CD33: variants seen among roughly 807,000 people sequenced by gnomAD.
The protein encoded by CD33 is CD33 molecule, also known as myeloid cell surface antigen CD33.
A neutral mutation model predicts 31.4 loss-of-function variants in CD33; 25 were observed. The ratio of observed to expected loss-of-function variants is 0.80; its 90% CI spans 0.58 to 1.11. The LOEUF (loss-of-function observed/expected upper bound fraction) is 1.11, where lower values mean the gene tolerates loss of function less well. CD33 is among the 50% of genes most tolerant of loss of function. CD33 has a pLI of 0.00. For missense variants in CD33, 407 were observed against 448.1 expected, an observed-to-expected ratio of 0.91 and a Z score of 0.83; for synonymous variants, 176 against 180.6, an observed-to-expected ratio of 0.97 and a Z score of 0.20.
upstream of CD33, among the ~76,000 whole-genome samples, chr19:51,221,431 T>C (rs1173524764): frequency 3.9e-5 from 6 of 152,216 alleles, no homozygotes; most frequent in Non-Finnish European, 8.8e-5. Flanking sequence ...TAGCATTACA[T>C]ACCTGAGAAC....
At chr19:51,214,620 TTA>T in the CD33 span, among the ~76,000 whole-genome samples, 1 of 148,156 alleles carries the variant, frequency 6.7e-6, no homozygotes, top group African/African-American at 2.7e-5. Context: ...TATTGATTAT[TTA>T]TATCTTTTGG....
chr19:51,228,069 G>A (rs1374654169), intron 4 of CD33, among the ~76,000 whole-genome samples: 4 of 149,024 alleles, frequency 2.7e-5, no homozygotes, highest in Admixed American at 2.6e-4. Context: ...TGTATTATTG[G>A]TGTATGTATC....
chr19:51,237,668 AC>A (rs1447968573), intron 6 of CD33: 1 of 152,296 alleles, frequency 6.6e-6, no homozygotes. Flanking sequence ...TGTGGACTGA[AC>A]AATGGTAGGT....
chr19:51,235,775 T>G, intron 6 of CD33, 99 bp downstream of exon 6: 1 of 994,190 alleles, frequency 1.0e-6, no homozygotes, highest in Non-Finnish European at 1.6e-6. Context: ...AGAACTGAGC[T>G]TATTGTCTTT....
At chr19:51,222,568 G>A (rs273640), upstream of CD33, among the ~76,000 whole-genome samples, 4 of 151,962 alleles carry the variant, frequency 2.6e-5, no homozygotes, top group African/African-American at 7.3e-5. Flanking sequence ...CACAAACAAC[G>A]TGGTTCAGTT....
Position 51,235,691 on chromosome 19 carries a change from A to T in CD33, c.924+15A>T. The T allele has an allele frequency of 1.2e-6, 2 of 1,603,836 alleles. No individual in the cohort carries two copies. The highest frequency in any genetic ancestry group is 1.7e-6 in the Non-Finnish European group (2 of 1,173,776). On this transcript the variant is annotated intron_variant, in intron 6 of 6. Transcript: ENST00000262262. The stretch of plus-strand genomic sequence containing the variant: ...CAGCCTCCCCGGTGAGTGATGGGGC[A>T]TCCTGGCATCCAGTCTGTCCTGCAG...
At chr19:51,236,567 C>T (rs1447385521) in intron 6 of CD33, 2 of 152,352 alleles carry the variant, frequency 1.3e-5, no homozygotes, top group African/African-American at 2.4e-5. Context: ...ATCTACTATC[C>T]TTGGGAAAGG....
At position 51,225,386 on chromosome 19, in the gene CD33, G is replaced by C. The variant is rs1219035730; in HGVS notation, c.206G>C (p.Arg69Thr). 1 of 1,614,168 alleles carries C rather than the reference G, an allele frequency of 6.2e-7. No homozygotes were observed. The change falls in exon 2 of 7, where the codon AGG (arginine) becomes ACG (threonine). Residue 69 changes from arginine to threonine, a missense_variant. Transcript: ENST00000262262. ...YWFREGAIIS[R>T]DSPVATNKLD... The stretch of plus-strand genomic sequence containing the variant: ...TTCCGGGAAGGAGCCATTATATCCA[G>C]GGACTCTCCAGTGGCCACAAACAAG...
chr19:51,239,349 G>A, intron 6 of CD33, 169 bp from the exon 7 acceptor site: 1 of 523,520 alleles, frequency 1.9e-6, no homozygotes, highest in Non-Finnish European at 3.3e-6. Flanking sequence ...CGTGCTACAT[G>A]TGTTAGATAA....
At chr19:51,236,486 T>C (rs1218173762) in intron 6 of CD33, 2 of 153,484 alleles carry the variant, frequency 1.3e-5, no homozygotes, top group Non-Finnish European at 2.9e-5. Context: ...CAGCTGGTAG[T>C]GTGGGCTTTA....
At chr19:51,228,553 C>T (rs997035516) in intron 4 of CD33, among the ~76,000 whole-genome samples, 1 of 152,144 alleles carries the variant, frequency 6.6e-6, no homozygotes, top group Non-Finnish European at 1.5e-5. Context: ...GATTTATTTT[C>T]AGCTAATTCA....
Position 51,225,799 on chromosome 19 carries a change from C to T in CD33, c.419-4C>T. ...ATTCTGCATCCCCTCTTTCTCCTCA[C>T]TAGACTTGACCCACAGGCCCAAAAT... is the stretch of plus-strand genomic sequence containing the variant. On this transcript the variant is annotated splice_region_variant and splice_polypyrimidine_tract_variant and intron_variant, in intron 2 of 6. Transcript: ENST00000262262. 1.9e-6 allele frequency: 3 copies of T among 1,612,852 alleles called. No homozygotes were observed. The highest frequency in any genetic ancestry group is 2.5e-6 in the Non-Finnish European group (3 of 1,179,196).
rs267605608 is a variant in CD33, at chr19:51,225,564, T to C, written c.384T>C (p.Ser128=). 1 of 1,574,208 alleles carries C rather than the reference T, an allele frequency of 6.4e-7. No individual in the cohort carries two copies. Among genetic ancestry groups the C allele is most frequent in the South Asian group, 1.2e-5 (1 of 83,560 alleles). Residue 128 remains serine, a synonymous_variant, in exon 2 of 7, where the codon AGT becomes AGC. Transcript: ENST00000262262. ...FRMERGSTKY[S]YKSPQLSVHV... ...TGGAGAGAGGAAGTACCAAATACAG[T>C]TACAAATCTCCCCAGCTCTCTGTGC...
intron 4 of CD33, among the ~76,000 whole-genome samples, chr19:51,229,723 T>A (rs771632768): frequency 1.3e-5 from 2 of 152,130 alleles, no homozygotes; most frequent in Non-Finnish European, 2.9e-5. Context: ...ATTTCTGTGG[T>A]AACCATTGTG....
intron 4 of CD33, among the ~76,000 whole-genome samples, 167 bp downstream of exon 4, chr19:51,226,523 C>T (rs1002738930): frequency 6.6e-6 from 1 of 152,174 alleles, no homozygotes; most frequent in African/African-American, 2.4e-5. Flanking sequence ...CTAGCAACTT[C>T]CCCCTTGCCC....
At chr19:51,211,690 G>C in the CD33 span, 1 of 939,990 alleles carries the variant, frequency 1.1e-6, no homozygotes, top group South Asian at 1.6e-5. Context: ...TGGGAATGAA[G>C]CCTGTCAGAC....
At position 51,235,608 on chromosome 19, in the gene CD33, A is replaced by G. The variant is rs1981729322; in HGVS notation, c.856A>G (p.Arg286Gly). 1.2e-6 allele frequency: 2 copies of G among 1,613,870 alleles called. No homozygotes were observed. The highest frequency in any genetic ancestry group is 4.5e-5 in the East Asian group (2 of 44,870). ...CLIFFIVKTH[R>G]RKAARTAVGR... ...GTCTCCCATCAGAGTGAAGACCCAC[A>G]GGAGGAAAGCAGCCAGGACAGCAGT... The change falls in exon 6 of 7, where the codon AGG becomes GGG. Residue 286 changes from arginine (R) to glycine (G), a missense_variant. By Grantham distance (125) the Arg-to-Gly change is moderately radical (BLOSUM62 -2). Transcript: ENST00000262262.
chr19:51,224,710 G>A (rs1980858993), upstream of CD33, among the ~76,000 whole-genome samples: 2 of 152,068 alleles, frequency 1.3e-5, no homozygotes, highest in Non-Finnish European at 2.9e-5. Flanking sequence ...ACACCCCATG[G>A]ATCTAGGTGA....
the CD33 span, among the ~76,000 whole-genome samples, chr19:51,213,540 G>A: frequency 6.6e-6 from 1 of 151,864 alleles, no homozygotes; most frequent in Non-Finnish European, 1.5e-5. Flanking sequence ...TTTTTGTTTT[G>A]TTTTTTGTTT....
Sources: allele counts gnomAD v4.1 joint callset (sites outside exome capture counted in the v4.1 genomes callset), GRCh38; gene constraint gnomAD v4.1.1; transcripts MANE v1.5; gene names NCBI Gene and HGNC (gene_info 2026-07-23, HGNC 2026-07-21).